Variants in DMRTC2 observed in about 807,000 individuals in gnomAD.
DMRTC2 encodes the protein DMRT like family C2.
In DMRTC2, 13 loss-of-function variants were observed where a neutral mutation model predicts 39.9. The observed-to-expected ratio is 0.33, with a 90% CI of 0.21 to 0.52. The LOEUF (loss-of-function observed/expected upper bound fraction) is 0.52, where lower values mean the gene tolerates loss of function less well. Among genes scored for constraint, DMRTC2 ranks in the 20% least tolerant of loss-of-function variants. The pLI is 0.96. For missense variants in DMRTC2, 431 were observed against 472.8 expected (o/e 0.91, Z 0.82); for synonymous variants, 189 against 185.2 (o/e 1.02, Z -0.17).
chr19:41,848,638 G>T, intron 4 of DMRTC2, 110 bp downstream of exon 4: 1 of 1,423,160 alleles, frequency 7.0e-7, no homozygotes, highest in Non-Finnish European at 9.8e-7. Flanking sequence ...GGTTTGCTAT[G>T]TAATCTAGTC....
chr19:41,849,863 T>C (rs888503231), intron 6 of DMRTC2, among the ~76,000 whole-genome samples: 9 of 152,162 alleles, frequency 5.9e-5, no homozygotes, highest in African/African-American at 2.2e-4. Flanking sequence ...GAGGATTACT[T>C]GAGGCCAAGA....
rs529394250 is a variant in DMRTC2 at position 41,851,773 on chromosome 19, T to C, written c.*77T>C. On this transcript the variant is annotated 3_prime_UTR_variant, in exon 9 of 9. Coordinates refer to ENST00000269945, the MANE Select transcript of DMRTC2 (RefSeq NM_001040283.3). The stretch of plus-strand genomic sequence containing the variant: ...GGCACTGTATATTTAGTGTCTTACT[T>C]AAGGATTTATGCATGGAATTTAATG... 495 of 1,257,030 alleles carry C rather than the reference T, an allele frequency of 3.9e-4. 2 individuals are homozygous for C. The African/African-American group carries it at 6.7e-3, about 17-fold the overall frequency. 77.9% of individuals were successfully genotyped at this position (1,257,030 alleles called of 1,614,324 possible). A position where few individuals can be genotyped will look rare whatever the true frequency, so the allele number is the denominator to read the frequency against.
At chr19:41,849,364 C>G in intron 6 of DMRTC2, 108 bp downstream of exon 6, 1 of 1,484,412 alleles carries the variant, frequency 6.7e-7, no homozygotes, top group Non-Finnish European at 9.0e-7. Flanking sequence ...AGGTCTCTGA[C>G]TAATAGGCAA....
At chr19:41,848,701 C>T (rs2073905878) in intron 4 of DMRTC2, 94 bp from the exon 5 acceptor site, 1 of 1,593,104 alleles carries the variant, frequency 6.3e-7, no homozygotes, top group Non-Finnish European at 8.6e-7. Flanking sequence ...GCCTCCCAGC[C>T]CCAAAGTTTT....
Position 41,848,788 on chromosome 19 carries a change from C to T in DMRTC2, c.448-7C>T. On this transcript the variant is annotated splice_polypyrimidine_tract_variant and splice_region_variant and intron_variant, in intron 4 of 8. Coordinates refer to ENST00000269945, the MANE Select transcript of DMRTC2 (RefSeq NM_001040283.3). Reference sequence around the variant, plus strand: ...CCAACTCCAGCCTGTGCCCTCTGCCCCTGCAGAACTCCTGTGGGCCTCTGC... The same window carrying T: ...CCAACTCCAGCCTGTGCCCTCTGCCTCTGCAGAACTCCTGTGGGCCTCTGC... 6.2e-7 allele frequency: 1 copy of T among 1,607,538 alleles called. No individual in the cohort carries two copies. The highest frequency in any genetic ancestry group is 8.5e-7 in the Non-Finnish European group (1 of 1,179,986).
intron 1 of DMRTC2, among the ~76,000 whole-genome samples, chr19:41,845,831 CAAAA>C (rs1316589870): frequency 6.7e-6 from 1 of 149,024 alleles, no homozygotes. Context: ...CATCTCAAAA[CAAAA>C]AAAAAGAAAG....
At chr19:41,847,062 G>A (rs1286014046) in intron 1 of DMRTC2, among the ~76,000 whole-genome samples, 2 of 151,432 alleles carry the variant, frequency 1.3e-5, no homozygotes, top group Non-Finnish European at 2.9e-5. Flanking sequence ...GCTCTTGCCT[G>A]TAATCCCAGC....
chr19:41,847,139 C>T (rs1195931475), intron 1 of DMRTC2: 4 of 551,098 alleles, frequency 7.3e-6, no homozygotes, highest in African/African-American at 4.4e-5. Context: ...AAGCCAAGAT[C>T]GTGCCACTGC....
chr19:41,848,423 T>G, intron 3 of DMRTC2, 29 bp from the exon 4 acceptor site: 1 of 1,575,710 alleles, frequency 6.3e-7, no homozygotes, highest in Non-Finnish European at 8.6e-7. Flanking sequence ...GAGAAAGGGC[T>G]CATTAGAGCT....
intron 8 of DMRTC2, chr19:41,851,337 G>T: frequency 2.1e-6 from 1 of 475,954 alleles, no homozygotes; most frequent in South Asian, 3.0e-5. Context: ...ATGTGAAGGG[G>T]AGCCAGGGAA....
intron 1 of DMRTC2, among the ~76,000 whole-genome samples, chr19:41,846,809 C>G (rs1555836001): frequency 2.6e-5 from 4 of 151,846 alleles, no homozygotes. Context: ...CCTTGTGATC[C>G]ACCCGCCTTG....
intron 4 of DMRTC2, 58 bp from the exon 5 acceptor site, chr19:41,848,737 C>T (rs1005010048): frequency 1.9e-6 from 3 of 1,606,252 alleles, no homozygotes; most frequent in Non-Finnish European, 2.5e-6. Context: ...TCCCAGAATA[C>T]ACTCAATCCT....
In DMRTC2 at chr19:41,850,628, G is replaced by C. The variant is rs1555837179; in HGVS notation, c.919G>C (p.Ala307Pro). The C allele has an allele frequency of 6.2e-7, 1 of 1,613,586 alleles. No individual in the cohort carries two copies. Among genetic ancestry groups the C allele is most frequent in the Non-Finnish European group, 8.5e-7 (1 of 1,179,822 alleles). Reference protein sequence around the residue: ...ALVGLKDSSQAPRVTPSVPPN... With the variant: ...ALVGLKDSSQPPRVTPSVPPN... ...CGTGGGGCTGAAAGATTCATCCCAG[G>C]CTCCTCGTGTGACCCCTTCTGTGCC... Residue 307 changes from alanine (A) to proline (P), a missense_variant, in exon 8 of 9, where the codon GCT becomes CCT. By Grantham distance (27) the Ala-to-Pro change is conservative. Transcript: ENST00000269945.
At chr19:41,849,075 G>GAAAGAAACTATGACCTTGGCCCCTATACA in intron 5 of DMRTC2, 55 bp from the exon 6 acceptor site, 28 of 1,612,000 alleles carry the variant, frequency 1.7e-5, no homozygotes, top group Non-Finnish European at 2.4e-5. Context: ...GGAGAGGGAG[G>GAAAGAAACTATGACCTTGGCCCCTATACA]AAAGAAACTA....
At chr19:41,851,349 G>A (rs1005306364) in intron 8 of DMRTC2, 12 of 497,250 alleles carry the variant, frequency 2.4e-5, no homozygotes, top group Admixed American at 6.9e-5. Context: ...GCCAGGGAAC[G>A]TTTCTGAACT....
intron 3 of DMRTC2, 52 bp downstream of exon 3, chr19:41,847,933 T>G (rs1555836410): frequency 6.5e-7 from 1 of 1,534,640 alleles, no homozygotes; most frequent in Non-Finnish European, 8.8e-7. Context: ...AGGAGGCAGG[T>G]ATGGGAAAAA....
At chr19:41,845,033 C>G (rs1358195289), upstream of DMRTC2, 3 of 152,222 alleles carry the variant, frequency 2.0e-5, no homozygotes, top group Non-Finnish European at 4.4e-5. Context: ...CTTGGCGGTT[C>G]CTCTGGCCAC....
At chr19:41,845,968 C>T (rs782591709) in intron 1 of DMRTC2, among the ~76,000 whole-genome samples, 12 of 151,382 alleles carry the variant, frequency 7.9e-5, no homozygotes, top group East Asian at 2.0e-4. Flanking sequence ...GCCATGATCA[C>T]GCCACTGCGC....
Position 41,851,574 on chromosome 19 carries a change from T to C in DMRTC2, c.992-10T>C, listed in dbSNP as rs782533076. On this transcript the variant is annotated splice_polypyrimidine_tract_variant and intron_variant, in intron 8 of 8. Coordinates refer to ENST00000269945, the MANE Select transcript of DMRTC2 (RefSeq NM_001040283.3). Reference sequence around the variant, plus strand: ...GTGACCTGATCCTGCCCCTTCCTTCTTGCCTGTAGCTCCTGCTGGAGGAAG... The same window carrying C: ...GTGACCTGATCCTGCCCCTTCCTTCCTGCCTGTAGCTCCTGCTGGAGGAAG... The C allele has an allele frequency of 1.7e-5, 27 of 1,613,420 alleles. No homozygotes were observed. Among genetic ancestry groups the C allele is most frequent in the Non-Finnish European group, 2.5e-6 (3 of 1,179,518 alleles).
Sources: gnomAD v4.1 joint callset for allele counts (sites outside exome capture counted in the v4.1 genomes callset) on GRCh38, gnomAD v4.1.1 for gene constraint, MANE v1.5 for transcripts, NCBI Gene and HGNC (gene_info 2026-07-23, HGNC 2026-07-21) for gene names.